The following ITFG2 variants were observed in gnomAD, a reference collection of about 807,000 sequenced individuals.
ITFG2 encodes the protein integrin alpha FG-GAP repeat containing 2, also known as KICSTOR complex protein ITFG2.
A neutral mutation model predicts 54.4 loss-of-function variants in ITFG2; 36 were observed. The observed-to-expected ratio is 0.66, with a 90% CI of 0.51 to 0.87. ITFG2 has a LOEUF of 0.87. Among genes scored for constraint, ITFG2 ranks in the 40% least tolerant of loss-of-function variants. ITFG2 has a pLI of 0.00. For missense variants in ITFG2, 524 were observed against 576.7 expected, an observed-to-expected ratio of 0.91 and a Z score of 0.94; for synonymous variants, 211 against 225.4, an observed-to-expected ratio of 0.94 and a Z score of 0.57.
downstream of ITFG2, among the ~76,000 whole-genome samples, chr12:2,828,883 TA>T (rs1212112439): frequency 2.0e-5 from 3 of 151,820 alleles, no homozygotes; most frequent in Admixed American, 2.0e-4. Context: ...ACTCATACAA[TA>T]GGGGCAGAAC....
chr12:2,843,490 A>T (rs763849477), intron 2 of ITFG2, among the ~76,000 whole-genome samples: 9 of 152,240 alleles, frequency 5.9e-5, no homozygotes, highest in Non-Finnish European at 1.2e-4. Flanking sequence ...TGAGCATGGC[A>T]TGGTGAACTC....
intron 1 of ITFG2, among the ~76,000 whole-genome samples, chr12:2,838,144 A>G (rs1489868213): frequency 1.3e-5 from 2 of 152,144 alleles, no homozygotes; most frequent in East Asian, 1.9e-4. Flanking sequence ...ATCCTCTGGC[A>G]TGTTTTGCTG....
At chr12:2,848,866 GAC>G (rs57562074) in intron 2 of ITFG2, among the ~76,000 whole-genome samples, 7 of 115,768 alleles carry the variant, frequency 6.0e-5, no homozygotes, top group Admixed American at 3.8e-4. Context: ...CACCCCAACA[GAC>G]ACACACACGC....
intron 2 of ITFG2, among the ~76,000 whole-genome samples, chr12:2,851,393 G>T (rs1408268462): frequency 2.6e-5 from 4 of 152,052 alleles, no homozygotes; most frequent in Non-Finnish European, 5.9e-5. Context: ...TGATGCTCGA[G>T]CACAGTGGCC....
At chr12:2,854,777 T>C (rs2153929535) in intron 2 of ITFG2, 1 of 1,105,668 alleles carries the variant, frequency 9.0e-7, no homozygotes, top group Non-Finnish European at 1.2e-6. Flanking sequence ...AAGAGTTTGG[T>C]TTTCAGATGG....
chr12:2,817,552 C>T (rs1271518583), intron 2 of ITFG2: 2 of 551,474 alleles, frequency 3.6e-6, no homozygotes, highest in African/African-American at 3.8e-5. Context: ...TGGAGTACTC[C>T]TTGACACTTT....
Position 2,848,890 on chromosome 12 carries a change from C to T in ITFG2, n.300+7895C>T, listed in dbSNP as rs1451581305. On this transcript the variant is annotated intron_variant and non_coding_transcript_variant, in intron 2 of 3. Coordinates refer to the ITFG2 transcript ENST00000537710. ...AGACACACACACGCACACACACACA[C>T]ACACACACACACACACACACACTCC... The T allele has an allele frequency of 1.9e-5, 6 of 319,220 alleles. No individual in the cohort carries two copies. In the East Asian group the frequency reaches 3.9e-4, roughly 21 times the overall value. The allele number at this position is 319,220 out of a possible 1,614,324, so 19.8% of individuals were successfully genotyped here. A position where few individuals can be genotyped will look rare whatever the true frequency, so the allele number is the denominator to read the frequency against.
downstream of ITFG2, chr12:2,826,921 C>A: frequency 8.4e-7 from 1 of 1,189,486 alleles, no homozygotes. Context: ...TGCTTAGGTT[C>A]CTATCTGTGG....
intron 2 of ITFG2, chr12:2,830,756 C>G (rs1222206350): frequency 1.9e-6 from 3 of 1,613,926 alleles, no homozygotes. Context: ...TGGTCTTCCT[C>G]CTGCTCTCCT....
chr12:2,856,853 A>G, intron 2 of ITFG2: 1 of 686,758 alleles, frequency 1.5e-6, no homozygotes, highest in South Asian at 1.5e-5. Flanking sequence ...TGTATGGGCC[A>G]GGCAGTCTGC....
intron 2 of ITFG2, among the ~76,000 whole-genome samples, chr12:2,849,884 GC>G (rs1428402033): frequency 1.3e-5 from 2 of 152,218 alleles, no homozygotes; most frequent in Non-Finnish European, 2.9e-5. Flanking sequence ...ACAGAACTCA[GC>G]TCAACTGGAT....
At chr12:2,838,407 C>G (rs1292579432) in intron 1 of ITFG2, among the ~76,000 whole-genome samples, 3 of 152,142 alleles carry the variant, frequency 2.0e-5, no homozygotes, top group African/African-American at 7.2e-5. Context: ...AGGGAGCCAG[C>G]CTGCCAACAT....
chr12:2,855,072 G>A (rs1439695804), intron 2 of ITFG2: 2 of 1,536,060 alleles, frequency 1.3e-6, no homozygotes, highest in Admixed American at 2.0e-5. Flanking sequence ...AGGTCAGGAA[G>A]CTGTTTTGCC....
upstream of ITFG2, chr12:2,834,990 G>A: frequency 1.9e-6 from 3 of 1,552,836 alleles, no homozygotes; most frequent in Non-Finnish European, 2.6e-6. Flanking sequence ...ACATGCAGGA[G>A]CAGCCGCGTC....
downstream of ITFG2, chr12:2,831,017 A>T (rs1195544978): frequency 1.1e-5 from 7 of 616,576 alleles, no homozygotes; most frequent in Non-Finnish European, 1.1e-5. Context: ...TAATGAGAGC[A>T]GAGTAAGCCC....
At chr12:2,848,669 C>T (rs1297514473) in intron 2 of ITFG2, among the ~76,000 whole-genome samples, 1 of 152,180 alleles carries the variant, frequency 6.6e-6, no homozygotes, top group East Asian at 1.9e-4. Flanking sequence ...GCATGGGGCC[C>T]TGCAACCAAG....
chr12:2,850,257 C>G (rs778334753), intron 2 of ITFG2, among the ~76,000 whole-genome samples: 26 of 152,012 alleles, frequency 1.7e-4, no homozygotes, highest in Non-Finnish European at 3.5e-4. Context: ...GGGTGGATCA[C>G]AAGGTCAAGA....
intron 2 of ITFG2, among the ~76,000 whole-genome samples, chr12:2,841,544 G>A (rs1468914657): frequency 6.6e-6 from 1 of 152,162 alleles, no homozygotes; most frequent in African/African-American, 2.4e-5. Context: ...CTAAACTCAT[G>A]CTGTCTGATA....
chr12:2,823,689 G>A (rs1170929913), intron 10 of ITFG2, 81 bp from the exon 11 acceptor site: 27 of 1,451,192 alleles, frequency 1.9e-5, no homozygotes, highest in East Asian at 2.3e-5. Flanking sequence ...GTGCTGACTC[G>A]GAGGTCTGTG....
Sources: gnomAD v4.1 joint callset for allele counts (sites outside exome capture counted in the v4.1 genomes callset) on GRCh38, gnomAD v4.1.1 for gene constraint, MANE v1.5 for transcripts, NCBI Gene and HGNC (gene_info 2026-07-23, HGNC 2026-07-21) for gene names.